Variants in TCERG1 observed in about 807,000 individuals in gnomAD.
TCERG1 encodes the protein transcription elongation regulator 1.
A neutral mutation model predicts 144.7 loss-of-function variants in TCERG1; 37 were observed. The ratio of observed to expected loss-of-function variants is 0.26; its 90% CI spans 0.20 to 0.34. The LOEUF is 0.34. TCERG1 is among the 10% of genes least tolerant of loss of function. TCERG1 has a pLI of 1.00. For missense variants in TCERG1, 1,027 were observed against 1,380.7 expected, an observed-to-expected ratio of 0.74 and a Z score of 4.06; for synonymous variants, 492 against 458.2, an observed-to-expected ratio of 1.07 and a Z score of -0.94.
intron 15 of TCERG1, among the ~76,000 whole-genome samples, chr5:146,490,345 A>G (rs964030468): frequency 6.6e-6 from 1 of 152,162 alleles, no homozygotes; most frequent in Non-Finnish European, 1.5e-5. Context: ...ACTTGTTATA[A>G]AGATGTTCAT....
intron 4 of TCERG1, among the ~76,000 whole-genome samples, chr5:146,462,290 A>G (rs536179834): frequency 8.1e-4 from 124 of 152,292 alleles, no homozygotes; most frequent in Non-Finnish European, 1.5e-3. Flanking sequence ...TTTTCATTTT[A>G]TTTCATTTGA....
Position 146,463,662 on chromosome 5 carries a change from C to G in TCERG1, c.1004C>G (p.Pro335Arg). ...TATPVQTVPQPHPQTLPPAVP... is the reference protein window; with the variant it reads ...TATPVQTVPQRHPQTLPPAVP... ...ACACCTGTGCAAACCGTTCCCCAGC[C>G]GCACCCTCAGACGTTACCTCCTGCT... The change falls in exon 5 of 23, where the codon CCG (proline) becomes CGG (arginine). Residue 335 changes from proline to arginine, a missense_variant. Physicochemically the swap from Pro to Arg is moderately radical, Grantham distance 103. This residue lies in a region of TCERG1 where 187 missense variants were observed against 169.1 expected (regional missense o/e 1.11). Coordinates refer to ENST00000679501, the MANE Select transcript of TCERG1 (RefSeq NM_001382548.1). 6.2e-7 allele frequency: 1 copy of G among 1,614,198 alleles called. No homozygotes were observed. Among genetic ancestry groups the G allele is most frequent in the Admixed American group, 1.7e-5 (1 of 60,028 alleles).
chr5:146,469,220 T>C (rs1049766548), intron 6 of TCERG1, among the ~76,000 whole-genome samples: 11 of 152,164 alleles, frequency 7.2e-5, no homozygotes, highest in Non-Finnish European at 1.5e-4. Flanking sequence ...TTCATAAAAA[T>C]AGATTTCTAT....
In TCERG1 at chr5:146,458,328, C is replaced by T. The variant is rs966707581; in HGVS notation, c.439-556C>T. On this transcript the variant is annotated intron_variant, in intron 3 of 22. Transcript: ENST00000679501. ...AGTAGCTGGGATTACAGGCGCCTGC[C>T]ATCACGTCTAGCTAAATTTTTGTAT... Among the ~76,000 whole-genome samples, 7 of 151,904 alleles carry T rather than the reference C, an allele frequency of 4.6e-5. No individual in the cohort carries two copies. The South Asian group carries it at 1.5e-3, about 32-fold the overall frequency.
At chr5:146,487,731 C>CA (rs60367472) in intron 15 of TCERG1, among the ~76,000 whole-genome samples, 8,908 of 107,938 alleles carry the variant, frequency 0.083, 811 homozygotes, top group African/African-American at 0.23. Context: ...GACCCTGTTT[C>CA]AAAAAAAAAA....
intron 16 of TCERG1, among the ~76,000 whole-genome samples, chr5:146,496,208 G>A (rs186313230): frequency 6.4e-4 from 97 of 152,176 alleles, no homozygotes; most frequent in Middle Eastern, 3.4e-3. Context: ...TAAAACTTAG[G>A]CTCATTAGCC....
chr5:146,494,852 T>C (rs139476409), intron 16 of TCERG1, among the ~76,000 whole-genome samples: 2 of 152,266 alleles, frequency 1.3e-5, no homozygotes, highest in East Asian at 1.9e-4. Context: ...CCACAGTCAG[T>C]TTCTGGTCAC....
chr5:146,468,668 C>T (rs1357907992), intron 6 of TCERG1, among the ~76,000 whole-genome samples: 1 of 152,086 alleles, frequency 6.6e-6, no homozygotes, highest in African/African-American at 2.4e-5. Flanking sequence ...TAAACAACTT[C>T]ATTCTCATAT....
chr5:146,475,495 G>A (rs1265424174), intron 9 of TCERG1, among the ~76,000 whole-genome samples: 1 of 152,140 alleles, frequency 6.6e-6, no homozygotes, highest in African/African-American at 2.4e-5. Flanking sequence ...ATTATGCACT[G>A]GACTGCTCCC....
At chr5:146,471,678 A>C (rs1764321138) in intron 9 of TCERG1, 102 bp downstream of exon 9, 1 of 845,392 alleles carries the variant, frequency 1.2e-6, no homozygotes, top group South Asian at 1.8e-5. Flanking sequence ...GGCTCACTGC[A>C]ACCTCCACCT....
chr5:146,504,025 C>G lies in TCERG1; in HGVS notation c.2781+19C>G. 6.7e-7 allele frequency: 1 copy of G among 1,486,810 alleles called. No individual in the cohort carries two copies. Among genetic ancestry groups the G allele is most frequent in the Non-Finnish European group, 8.9e-7 (1 of 1,117,392 alleles). 92.1% of individuals were successfully genotyped at this position (1,486,810 alleles called of 1,614,324 possible). A position where few individuals can be genotyped will look rare whatever the true frequency, so the allele number is the denominator to read the frequency against. Reference sequence around the variant, plus strand: ...TGACATGGTATACGTTAATCTTTTACTTTTTTTCTCTAAAGTACTGGATAT... The same window carrying G: ...TGACATGGTATACGTTAATCTTTTAGTTTTTTTCTCTAAAGTACTGGATAT... On this transcript the variant is annotated intron_variant, in intron 19 of 22. Transcript: ENST00000679501.
intron 6 of TCERG1, 87 bp from the exon 7 acceptor site, chr5:146,469,457 A>G: frequency 9.1e-7 from 1 of 1,099,922 alleles, no homozygotes; most frequent in African/African-American, 1.6e-5. Flanking sequence ...ATTAATATTT[A>G]ATAGAAAGAT....
rs936876373 is a variant in TCERG1 at position 146,507,533 on chromosome 5, A to G, written c.2961+326A>G. The G allele has an allele frequency of 2.1e-5, 7 of 330,828 alleles. No individual in the cohort carries two copies. The highest frequency in any genetic ancestry group is 4.7e-5 in the Admixed American group (1 of 21,364). The allele number at this position is 330,828 out of a possible 1,614,324, so 20.5% of individuals were successfully genotyped here. The stretch of plus-strand genomic sequence containing the variant: ...TTGGTACTATGGCCTCTTGTTCGGC[A>G]GTTTGTACGCTTTGTTATCCAGGTT... On this transcript the variant is annotated intron_variant, in intron 20 of 22. Transcript: ENST00000679501. This position sits in a 1 kb window ranked among gnomAD's most constrained non-coding sequence, Gnocchi z 4.6.
At chr5:146,449,020 A>G (rs903517343) in intron 1 of TCERG1, among the ~76,000 whole-genome samples, 4 of 152,204 alleles carry the variant, frequency 2.6e-5, no homozygotes, top group African/African-American at 9.6e-5. Context: ...CCTGTTGCAA[A>G]TATTTTATAC....
Position 146,471,524 on chromosome 5 carries a change from G to C in TCERG1, c.1549G>C (p.Ala517Pro), listed in dbSNP as rs775733850. 5.0e-6 allele frequency: 8 copies of C among 1,613,782 alleles called. No homozygotes were observed. The highest frequency in any genetic ancestry group is 2.2e-5 in the East Asian group (1 of 44,866). Residue 517 changes from alanine to proline, a missense_variant, in exon 9 of 23, where the codon GCT becomes CCT. Ala to Pro is a conservative substitution (Grantham distance 27, BLOSUM62 -1). Transcript: ENST00000679501. ...AGAGGAGATGACTGAAGAAGAAAAG[G>C]CTGCCCAGAAGGCAAAGCCAGTTGC... The part of the protein sequence containing the change: ...KEEEMTEEEK[A>P]AQKAKPVATA...
chr5:146,479,704 G>C, intron 10 of TCERG1, 151 bp from the exon 11 acceptor site: 1 of 672,678 alleles, frequency 1.5e-6, no homozygotes, highest in African/African-American at 1.8e-5. Context: ...AGGATAAATA[G>C]AGGAAGTGTA....
chr5:146,509,301 C>G (rs186870110), intron 22 of TCERG1, 56 bp downstream of exon 22: 1 of 1,184,650 alleles, frequency 8.4e-7, no homozygotes, highest in Non-Finnish European at 1.2e-6. Flanking sequence ...AGTCTTTACT[C>G]TAATGGTCAG....
In TCERG1 at chr5:146,472,537, G is replaced by A. The variant is rs182298972; in HGVS notation, c.1601+961G>A. The stretch of plus-strand genomic sequence containing the variant: ...AAGATGGTGAACCTAATTGATAAAC[G>A]TGTGTGATCTAACTGTTCCACCGAC... On this transcript the variant is annotated intron_variant, in intron 9 of 22. Coordinates refer to ENST00000679501, the MANE Select transcript of TCERG1 (RefSeq NM_001382548.1). 8.5e-5 allele frequency among the ~76,000 whole-genome samples: 13 copies of A among 152,210 alleles called. 1 individual carries two copies. In the East Asian group the frequency reaches 2.5e-3, roughly 29 times the overall value.
Position 146,507,345 on chromosome 5 carries a change from T to A in TCERG1, c.2961+138T>A. Reference sequence around the variant, plus strand: ...ATGCATCTTATGACAATTCTCTGATTTTAAAAAATTATGGTATTCTTATTT... The same window carrying A: ...ATGCATCTTATGACAATTCTCTGATATTAAAAAATTATGGTATTCTTATTT... On this transcript the variant is annotated intron_variant, in intron 20 of 22. Transcript: ENST00000679501. This position sits in a 1 kb window ranked among gnomAD's most constrained non-coding sequence, Gnocchi z 4.6. 6.2e-6 allele frequency: 5 copies of A among 801,760 alleles called. No homozygotes were observed. The highest frequency in any genetic ancestry group is 7.3e-6 in the Non-Finnish European group (4 of 546,920). 49.7% of individuals were successfully genotyped at this position (801,760 alleles called of 1,614,324 possible).
Sources: gnomAD v4.1 joint callset for allele counts (sites outside exome capture counted in the v4.1 genomes callset) on GRCh38, gnomAD v4.1.1 for gene constraint, gnomAD v4.1.1 regional missense constraint, Gnocchi (gnomAD v3.1) non-coding constraint, MANE v1.5 for transcripts, NCBI Gene and HGNC (gene_info 2026-07-23, HGNC 2026-07-21) for gene names.